LOXL2: variants seen among roughly 807,000 people sequenced by gnomAD.
LOXL2 encodes the protein lysyl oxidase like 2.
In LOXL2, 70 loss-of-function variants were observed where a neutral mutation model predicts 93.0. That is an observed-to-expected ratio of 0.75 (90% confidence interval 0.62 to 0.92). The LOEUF is 0.92. Ranked by LOEUF, LOXL2 falls within the 40% of genes least tolerant of loss-of-function variation. The pLI is 0.00. For missense variants in LOXL2, 973 were observed against 1,054.9 expected (o/e 0.92, Z 1.08); for synonymous variants, 438 against 413.2 (o/e 1.06, Z -0.73).
intron 2 of LOXL2, among the ~76,000 whole-genome samples, chr8:23,360,704 C>CTTCGTT (rs1804275057): frequency 6.6e-6 from 1 of 152,082 alleles, no homozygotes; most frequent in South Asian, 2.1e-4. Flanking sequence ...GAAGCCTGTG[C>CTTCGTT]CTAGTTCATT....
At chr8:23,366,046 G>C (rs1231813340) in intron 2 of LOXL2, 2 of 152,180 alleles carry the variant, frequency 1.3e-5, no homozygotes, top group Non-Finnish European at 2.9e-5. Flanking sequence ...TCCTGATAGG[G>C]AAAAACCACA....
chr8:23,351,880 G>A (rs910146294), intron 3 of LOXL2, among the ~76,000 whole-genome samples: 15 of 152,100 alleles, frequency 9.9e-5, no homozygotes, highest in Admixed American at 5.2e-4. Flanking sequence ...TCGCTCTGTT[G>A]CCCAGGCTGG....
At chr8:23,330,169 A>C (rs1175067456) in intron 5 of LOXL2, among the ~76,000 whole-genome samples, 1 of 152,070 alleles carries the variant, frequency 6.6e-6, no homozygotes, top group Non-Finnish European at 1.5e-5. Flanking sequence ...ACTAAAAAAC[A>C]AAAAAATACA....
intron 1 of LOXL2, among the ~76,000 whole-genome samples, chr8:23,399,131 G>A (rs756930597): frequency 2.6e-5 from 4 of 152,156 alleles, no homozygotes; most frequent in East Asian, 1.9e-4. Flanking sequence ...TGCTATTCCC[G>A]CCTTGTCTGT....
At chr8:23,376,383 T>TA (rs1200878485) in intron 1 of LOXL2, among the ~76,000 whole-genome samples, 7 of 152,196 alleles carry the variant, frequency 4.6e-5, no homozygotes, top group Non-Finnish European at 8.8e-5. Flanking sequence ...TCATCAGGGA[T>TA]ATTGGTCTAA....
Position 23,403,731 on chromosome 8 carries a change from C to T in LOXL2, c.-84+223G>A, listed in dbSNP as rs2293935. Among the ~76,000 whole-genome samples the T allele has an allele frequency of 4.0e-3, 612 of 152,148 alleles. 13 individuals are homozygous for T. The East Asian group carries it at 0.062, about 15-fold the overall frequency. ...CCCGGGCGCGCCAGCAGCCGCGCCG[C>T]GCCCGGCCCGTACGAGGTGGGGTTG... On this transcript the variant is annotated intron_variant, in intron 1 of 13. Coordinates refer to ENST00000389131, the MANE Select transcript of LOXL2 (RefSeq NM_002318.3).
At chr8:23,362,572 A>G (rs1371553667) in intron 2 of LOXL2, among the ~76,000 whole-genome samples, 1 of 152,126 alleles carries the variant, frequency 6.6e-6, no homozygotes, top group African/African-American at 2.4e-5. Flanking sequence ...ATCTCTACTA[A>G]AAATCAAAAC....
At chr8:23,364,112 G>A (rs1359056275) in intron 2 of LOXL2, 1 of 152,352 alleles carries the variant, frequency 6.6e-6, no homozygotes, top group African/African-American at 2.4e-5. Context: ...CTGACCTCAG[G>A]TGATCTGCCT....
intron 1 of LOXL2, among the ~76,000 whole-genome samples, chr8:23,403,213 G>T (rs1195616443): frequency 6.6e-6 from 1 of 152,204 alleles, no homozygotes; most frequent in African/African-American, 2.4e-5. Flanking sequence ...ATTGGGATCA[G>T]CTGTAGCCGT....
intron 1 of LOXL2, among the ~76,000 whole-genome samples, chr8:23,399,044 T>C (rs114044712): frequency 1.7e-3 from 264 of 152,322 alleles, no homozygotes; most frequent in African/African-American, 6.1e-3. Flanking sequence ...ACTGAAGACT[T>C]AAGAGACTCA....
intron 2 of LOXL2, among the ~76,000 whole-genome samples, chr8:23,367,516 TG>T (rs1285050076): frequency 1.3e-5 from 2 of 151,960 alleles, no homozygotes; most frequent in African/African-American, 4.8e-5. Context: ...GCCAGGAAGG[TG>T]GGGGGCGTCA....
intron 1 of LOXL2, among the ~76,000 whole-genome samples, chr8:23,383,872 G>A (rs562360400): frequency 6.6e-6 from 1 of 152,040 alleles, no homozygotes; most frequent in South Asian, 2.1e-4. Flanking sequence ...GTGTTAGCCA[G>A]GATGGTCTCG....
rs144437802 is a variant in LOXL2 at position 23,359,053 on chromosome 8, C to T, written c.531+1037G>A. Among the ~76,000 whole-genome samples, 424 of 152,072 alleles carry T rather than the reference C, an allele frequency of 2.8e-3. 2 individuals are homozygous for T. Among genetic ancestry groups the T allele is most frequent in the African/African-American group, 9.6e-3 (399 of 41,468 alleles). On this transcript the variant is annotated intron_variant, in intron 3 of 13. Transcript: ENST00000389131. ...ATTTTTAGTAGAGACGGGGTTTCAC[C>T]GTGTTAGCCAGGATGGTCTCGATCT... is the stretch of plus-strand genomic sequence containing the variant.
At chr8:23,347,830 G>A (rs1240035732) in intron 3 of LOXL2, among the ~76,000 whole-genome samples, 1 of 151,956 alleles carries the variant, frequency 6.6e-6, no homozygotes, top group African/African-American at 2.4e-5. Flanking sequence ...AAAATTAGCT[G>A]GGCACCAGCG....
intron 3 of LOXL2, chr8:23,341,584 G>A (rs1803884024): frequency 3.2e-6 from 1 of 308,790 alleles, no homozygotes; most frequent in African/African-American, 2.1e-5. Flanking sequence ...TTTGAATGCG[G>A]ATTTTGCATT....
rs1159727066 is a variant in LOXL2 at position 23,394,396 on chromosome 8, GAAAA to G, written c.-84+9554_-84+9557del. On this transcript the variant is annotated intron_variant, in intron 1 of 13. Coordinates refer to ENST00000389131, the MANE Select transcript of LOXL2 (RefSeq NM_002318.3). ...TGACAGAGTGAGACTCTGTCTCAGA[GAAAA>G]AAAAAAAAAAAAAAAGACAACCAAC... Among the ~76,000 whole-genome samples the G allele has an allele frequency of 1.2e-4, 8 of 64,348 alleles. No homozygotes were observed. In the South Asian group the frequency reaches 1.7e-3, roughly 14 times the overall value. The allele number at this position is 64,348 out of a possible 152,430, so 42.2% of individuals were successfully genotyped here.
chr8:23,320,817 A>G (rs1299894240), intron 7 of LOXL2, among the ~76,000 whole-genome samples: 2 of 152,126 alleles, frequency 1.3e-5, no homozygotes, highest in African/African-American at 4.8e-5. Context: ...GGGAGGTGGG[A>G]GGATCCCTTG....
intron 3 of LOXL2, among the ~76,000 whole-genome samples, chr8:23,353,754 A>G (rs1282495300): frequency 6.6e-6 from 1 of 152,218 alleles, no homozygotes; most frequent in Non-Finnish European, 1.5e-5. Flanking sequence ...TTTCCCCTAC[A>G]GAATATTTAA....
chr8:23,338,351 C>A (rs28522080), intron 4 of LOXL2, among the ~76,000 whole-genome samples: 92,120 of 151,470 alleles, frequency 0.61, 29,541 homozygotes, highest in African/African-American at 0.83. Context: ...GGGCAGCTCT[C>A]AGGCTTCCGA....
Sources: allele counts gnomAD v4.1 joint callset (sites outside exome capture counted in the v4.1 genomes callset), GRCh38; gene constraint gnomAD v4.1.1; transcripts MANE v1.5; gene names NCBI Gene and HGNC (gene_info 2026-07-23, HGNC 2026-07-21).